Variants in RAB38 observed in about 807,000 individuals in gnomAD.
RAB38 encodes ras-related protein Rab-38.
A neutral mutation model predicts 18.4 loss-of-function variants in RAB38; 15 were observed. The ratio of observed to expected loss-of-function variants is 0.82; its 90% CI spans 0.55 to 1.26. The LOEUF is 1.26. Ranked by LOEUF, RAB38 falls within the 50% of genes most tolerant of loss-of-function variation. RAB38 has a pLI of 0.00. For synonymous variants in RAB38, 101 were observed against 104.4 expected (o/e 0.97, Z 0.20); for missense variants, 294 against 267.4 (o/e 1.10, Z -0.69).
chr11:87,960,234 C>T, the RAB38 span, among the ~76,000 whole-genome samples: 2 of 152,222 alleles, frequency 1.3e-5, no homozygotes, highest in East Asian at 1.9e-4. Context: ...AGCCCCTTCC[C>T]TAGAGACTCT....
chr11:87,843,151 G>T, the RAB38 span, among the ~76,000 whole-genome samples: 1 of 152,130 alleles, frequency 6.6e-6, no homozygotes, highest in African/African-American at 2.4e-5. Context: ...ATGTGTTGAT[G>T]CACACGTTTT....
chr11:88,044,355 C>A, the RAB38 span, among the ~76,000 whole-genome samples: 1 of 152,128 alleles, frequency 6.6e-6, no homozygotes, highest in Non-Finnish European at 1.5e-5. Flanking sequence ...CCCCCCAACC[C>A]CTTCTCTCCG....
At chr11:88,140,341 A>C (rs1942893947) in intron 2 of RAB38, among the ~76,000 whole-genome samples, 1 of 152,258 alleles carries the variant, frequency 6.6e-6, no homozygotes, top group Non-Finnish European at 1.5e-5. Context: ...GCTTCTACAC[A>C]GTTATCTAAG....
the RAB38 span, among the ~76,000 whole-genome samples, chr11:87,942,408 A>G: frequency 6.6e-6 from 1 of 152,176 alleles, no homozygotes; most frequent in Non-Finnish European, 1.5e-5. Flanking sequence ...TTCTAGGGTA[A>G]TAAAGAGGAT....
At chr11:87,809,555 T>C in the RAB38 span, among the ~76,000 whole-genome samples, 1 of 152,310 alleles carries the variant, frequency 6.6e-6, no homozygotes, top group South Asian at 2.1e-4. Flanking sequence ...AATCAAGACA[T>C]ACATTCACAT....
chr11:88,175,170 C>T lies in RAB38; in HGVS notation c.202+13G>A, dbSNP rs752109793. ...GGCGCTCTATCCCCCTGACCCCCTC[C>T]CCCCGCGCTCACCTGCGATATCCCA... On this transcript the variant is annotated intron_variant, in intron 1 of 2. Coordinates refer to ENST00000243662, the MANE Select transcript of RAB38 (RefSeq NM_022337.3). The T allele has an allele frequency of 3.8e-6, 6 of 1,583,554 alleles. No homozygotes were observed. The highest frequency in any genetic ancestry group is 5.2e-6 in the Non-Finnish European group (6 of 1,163,380).
At chr11:88,034,298 C>G in the RAB38 span, among the ~76,000 whole-genome samples, 2 of 152,176 alleles carry the variant, frequency 1.3e-5, no homozygotes, top group Non-Finnish European at 2.9e-5. Context: ...GGTTATTACA[C>G]GTAAGTGTTA....
intron 1 of RAB38, among the ~76,000 whole-genome samples, chr11:88,156,658 T>C (rs1474772320): frequency 1.3e-5 from 2 of 152,186 alleles, no homozygotes; most frequent in East Asian, 1.9e-4. Flanking sequence ...GCCAAGATCA[T>C]GCCACTGCAC....
the RAB38 span, among the ~76,000 whole-genome samples, chr11:88,005,707 T>C: frequency 3.3e-5 from 5 of 151,558 alleles, no homozygotes; most frequent in Admixed American, 1.3e-4. Context: ...CCCTGTTTTT[T>C]ACAAGTAGTT....
the RAB38 span, among the ~76,000 whole-genome samples, chr11:87,868,316 C>T: frequency 7.9e-5 from 12 of 151,620 alleles, no homozygotes; most frequent in Non-Finnish European, 5.9e-5. Context: ...ACCATGTGAT[C>T]TGTGCACGTC....
the RAB38 span, among the ~76,000 whole-genome samples, chr11:87,961,525 T>A: frequency 1.3e-5 from 2 of 152,088 alleles, no homozygotes; most frequent in Non-Finnish European, 2.9e-5. Context: ...AACATCAGGA[T>A]CTCAATAAAC....
chr11:87,972,828 A>C, the RAB38 span, among the ~76,000 whole-genome samples: 1 of 152,078 alleles, frequency 6.6e-6, no homozygotes, highest in Admixed American at 6.6e-5. Flanking sequence ...CTCAAACCTC[A>C]TGTCAAATTG....
chr11:88,133,040 G>C (rs746715658), intron 2 of RAB38, among the ~76,000 whole-genome samples: 1 of 151,922 alleles, frequency 6.6e-6, no homozygotes, highest in Admixed American at 6.6e-5. Flanking sequence ...GAAATATTGT[G>C]GTCTAGGAAA....
rs2134766633 is a variant in RAB38 at position 88,114,056 on chromosome 11, GCTCAATAGACTCCATTAGGTCACA to G, written c.544_567del (p.Cys182_Glu189del). On this transcript the variant is annotated inframe_deletion, in exon 3 of 3. Transcript: ENST00000243662. ...GTGAGATGGGGCTTCACGACGTCCG[GCTCAATAGACTCCATTAGGTCACA>G]CTCATTTGCAAGTATGTGTTTCACC... 1 of 1,614,148 alleles carries G rather than the reference GCTCAATAGACTCCATTAGGTCACA, an allele frequency of 6.2e-7. No homozygotes were observed. Among genetic ancestry groups the G allele is most frequent in the African/African-American group, 1.3e-5 (1 of 75,036 alleles).
chr11:87,943,911 A>G, the RAB38 span, among the ~76,000 whole-genome samples: 5 of 152,054 alleles, frequency 3.3e-5, no homozygotes, highest in Non-Finnish European at 7.4e-5. Flanking sequence ...TTATAAACCC[A>G]TTTTCTGTTT....
chr11:88,085,080 C>A, the RAB38 span, among the ~76,000 whole-genome samples: 4 of 151,774 alleles, frequency 2.6e-5, no homozygotes, highest in Admixed American at 2.6e-4. Context: ...AAGGTTAGAG[C>A]ACACCCCTAG....
the RAB38 span, among the ~76,000 whole-genome samples, chr11:87,921,666 C>G: frequency 3.9e-5 from 5 of 127,822 alleles, no homozygotes; most frequent in East Asian, 9.9e-4. Context: ...CTGTAAGCTT[C>G]TTGAGCTTAG....
chr11:87,974,362 A>AC, the RAB38 span, among the ~76,000 whole-genome samples: 1 of 151,896 alleles, frequency 6.6e-6, no homozygotes, highest in Non-Finnish European at 1.5e-5. Flanking sequence ...AAAGAAAAAA[A>AC]AAATCATAGG....
the RAB38 span, among the ~76,000 whole-genome samples, chr11:87,830,525 T>C: frequency 6.6e-6 from 1 of 151,904 alleles, no homozygotes; most frequent in Non-Finnish European, 1.5e-5. Flanking sequence ...ATAATGTTTA[T>C]TGAGTCCTTG....
Sources: gnomAD v4.1 joint callset for allele counts (sites outside exome capture counted in the v4.1 genomes callset) on GRCh38, gnomAD v4.1.1 for gene constraint, MANE v1.5 for transcripts, NCBI Gene and HGNC (gene_info 2026-07-23, HGNC 2026-07-21) for gene names.